The following CHRM3 variants were observed in gnomAD, a reference collection of about 807,000 sequenced individuals.
CHRM3 encodes the protein cholinergic receptor muscarinic 3.
In CHRM3, 11 loss-of-function variants were observed where a neutral mutation model predicts 41.8. The ratio of observed to expected loss-of-function variants is 0.26; its 90% confidence interval spans 0.17 to 0.44. The LOEUF is 0.44. CHRM3 is among the 20% of genes least tolerant of loss of function. CHRM3 has a pLI of 1.00. For missense variants in CHRM3, 571 were observed against 745.4 expected, an observed-to-expected ratio of 0.77 and a Z score of 2.72; for synonymous variants, 297 against 301.4, an observed-to-expected ratio of 0.99 and a Z score of 0.15.
chr1:239,556,353 T>C (rs1188265545), intron 3 of CHRM3, among the ~76,000 whole-genome samples: 1 of 152,156 alleles, frequency 6.6e-6, no homozygotes, highest in African/African-American at 2.4e-5. Flanking sequence ...AAAAAATATA[T>C]AGATTCAAAA....
intron 1 of CHRM3, among the ~76,000 whole-genome samples, chr1:239,478,384 A>C (rs1666602946): frequency 1.3e-5 from 2 of 152,234 alleles, no homozygotes; most frequent in South Asian, 4.1e-4. Flanking sequence ...CAAAATGTTG[A>C]AGCAGCAATG....
chr1:239,780,661 G>A (rs1451041656), intron 5 of CHRM3, among the ~76,000 whole-genome samples: 1 of 152,094 alleles, frequency 6.6e-6, no homozygotes, highest in Non-Finnish European at 1.5e-5. Flanking sequence ...TTACTTTGGT[G>A]TTGTATCAAA....
intron 5 of CHRM3, among the ~76,000 whole-genome samples, chr1:239,686,316 C>T (rs749603318): frequency 6.6e-6 from 1 of 152,158 alleles, no homozygotes; most frequent in South Asian, 2.1e-4. Flanking sequence ...TTCTGTGAAT[C>T]ATATGTTCCA....
rs1434189271 is a variant in CHRM3 at position 239,910,362 on chromosome 1, G to A, written c.*1138G>A. On this transcript the variant is annotated 3_prime_UTR_variant, in exon 7 of 7. Transcript: ENST00000676153. ...CAAAGCAAAAAAAAAAACATGGTAAGAGAGAATGAAGGAGAACATTGTGTT... is the reference window on the plus strand; with the variant it reads ...CAAAGCAAAAAAAAAAACATGGTAAAAGAGAATGAAGGAGAACATTGTGTT... 1 of 164,046 alleles carries A rather than the reference G, an allele frequency of 6.1e-6. No individual in the cohort carries two copies. Among genetic ancestry groups the A allele is most frequent in the Non-Finnish European group, 1.5e-5 (1 of 67,814 alleles). 10.2% of individuals were successfully genotyped at this position (164,046 alleles called of 1,614,324 possible).
intron 1 of CHRM3, among the ~76,000 whole-genome samples, chr1:239,466,324 G>T (rs1474037250): frequency 6.6e-6 from 1 of 151,968 alleles, no homozygotes; most frequent in Non-Finnish European, 1.5e-5. Context: ...GAAAATGTCT[G>T]TACTTTTTCT....
chr1:239,489,837 A>AT (rs1359377716), intron 1 of CHRM3, among the ~76,000 whole-genome samples: 1 of 152,112 alleles, frequency 6.6e-6, no homozygotes, highest in Non-Finnish European at 1.5e-5. Context: ...GTGGTGGTGG[A>AT]TTGTTCTGGC....
intron 1 of CHRM3, among the ~76,000 whole-genome samples, chr1:239,456,826 A>G (rs1343988210): frequency 6.6e-6 from 1 of 152,172 alleles, no homozygotes; most frequent in East Asian, 1.9e-4. Context: ...TCCCCAGAGC[A>G]TGTTCTAGTG....
At chr1:239,865,830 A>G (rs1338831975) in intron 6 of CHRM3, among the ~76,000 whole-genome samples, 2 of 152,168 alleles carry the variant, frequency 1.3e-5, no homozygotes, top group Non-Finnish European at 2.9e-5. Flanking sequence ...AGGAAAAGGT[A>G]CCACATGTTA....
intron 1 of CHRM3, among the ~76,000 whole-genome samples, chr1:239,465,795 AT>A (rs1482235937): frequency 1.3e-5 from 2 of 151,726 alleles, no homozygotes; most frequent in African/African-American, 4.8e-5. Context: ...TTACGTGAGA[AT>A]TTTTTTTCAG....
chr1:239,460,109 C>G (rs1426130483), intron 1 of CHRM3, among the ~76,000 whole-genome samples: 3 of 152,060 alleles, frequency 2.0e-5, no homozygotes, highest in African/African-American at 4.8e-5. Flanking sequence ...AATCATAGTC[C>G]GGCTCCAGAA....
chr1:239,552,446 A>G (rs1659943769), intron 3 of CHRM3, among the ~76,000 whole-genome samples: 1 of 147,614 alleles, frequency 6.8e-6, no homozygotes, highest in South Asian at 2.1e-4. Context: ...TATAGATGAT[A>G]TGTATCATAT....
intron 5 of CHRM3, among the ~76,000 whole-genome samples, chr1:239,680,850 T>C (rs1658492980): frequency 6.6e-6 from 1 of 151,892 alleles, no homozygotes; most frequent in Non-Finnish European, 1.5e-5. Context: ...TTCTCCTAAG[T>C]GACCTTATAA....
chr1:239,882,791 G>T (rs949006291), intron 6 of CHRM3, among the ~76,000 whole-genome samples: 1 of 152,202 alleles, frequency 6.6e-6, no homozygotes, highest in Non-Finnish European at 1.5e-5. Context: ...TTTGTCACAG[G>T]CCCTGAGCTG....
intron 4 of CHRM3, among the ~76,000 whole-genome samples, chr1:239,642,910 T>G (rs185565297): frequency 0.03 from 4,547 of 152,282 alleles, 102 homozygotes; most frequent in Admixed American, 0.057. Flanking sequence ...CTACTTTTGG[T>G]CTTTGATGAT....
intron 5 of CHRM3, among the ~76,000 whole-genome samples, chr1:239,803,842 A>C (rs375378532): frequency 3.2e-4 from 49 of 152,264 alleles, no homozygotes; most frequent in African/African-American, 1.1e-3. Flanking sequence ...TCACCCACCC[A>C]CCCTCTCAGA....
intron 1 of CHRM3, among the ~76,000 whole-genome samples, chr1:239,461,683 A>T (rs564521436): frequency 6.6e-6 from 1 of 152,074 alleles, no homozygotes; most frequent in Admixed American, 6.6e-5. Flanking sequence ...ATGTAATTTG[A>T]CCCAGCAAAT....
chr1:239,740,336 G>GT (rs1182556877), intron 5 of CHRM3, among the ~76,000 whole-genome samples: 1 of 150,930 alleles, frequency 6.6e-6, no homozygotes, highest in African/African-American at 2.4e-5. Flanking sequence ...AAGAAAAATT[G>GT]TTTCTTTTTT....
In CHRM3 at chr1:239,743,161, TA is replaced by T. The variant is rs140212367; in HGVS notation, c.-147+64876del. Among the ~76,000 whole-genome samples, 230 of 152,374 alleles carry T rather than the reference TA, an allele frequency of 1.5e-3. 1 individual carries two copies. The highest frequency in any genetic ancestry group is 5.2e-3 in the African/African-American group (218 of 41,588). On this transcript the variant is annotated intron_variant, in intron 5 of 6. Coordinates refer to ENST00000676153, the MANE Select transcript of CHRM3 (RefSeq NM_001375978.1). ...TTTACTACTCATTTTATTTATAACT[TA>T]AACCCAAAATTGAAATGAGTTTTCA...
At chr1:239,652,127 C>G (rs529780233) in intron 4 of CHRM3, among the ~76,000 whole-genome samples, 2 of 152,208 alleles carry the variant, frequency 1.3e-5, no homozygotes, top group African/African-American at 4.8e-5. Context: ...CAAGGCTCAG[C>G]TTTTTGAATG....
Sources: gnomAD v4.1 joint callset for allele counts (sites outside exome capture counted in the v4.1 genomes callset) on GRCh38, gnomAD v4.1.1 for gene constraint, MANE v1.5 for transcripts, NCBI Gene and HGNC (gene_info 2026-07-23, HGNC 2026-07-21) for gene names.